Variants in DESI2 observed in about 807,000 individuals in gnomAD.
DESI2 encodes the protein desumoylating isopeptidase 2.
A neutral mutation model predicts 24.1 loss-of-function variants in DESI2; 10 were observed. That is an observed-to-expected ratio of 0.41 (90% CI 0.26 to 0.70). The LOEUF is 0.70. Among genes scored for constraint, DESI2 ranks in the 30% least tolerant of loss-of-function variants. DESI2 has a pLI of 0.29. For synonymous variants in DESI2, 71 were observed against 87.7 expected, an observed-to-expected ratio of 0.81 and a Z score of 1.06; for missense variants, 122 against 234.9, an observed-to-expected ratio of 0.52 and a Z score of 3.14.
At chr1:244,679,669 G>C (rs1442083128) in intron 1 of DESI2, among the ~76,000 whole-genome samples, 1 of 152,024 alleles carries the variant, frequency 6.6e-6, no homozygotes, top group Non-Finnish European at 1.5e-5. Flanking sequence ...CCAGGAGTTT[G>C]AGACCAATCT....
chr1:244,660,549 A>G (rs1427063479), intron 1 of DESI2, among the ~76,000 whole-genome samples: 1 of 152,238 alleles, frequency 6.6e-6, no homozygotes, highest in Non-Finnish European at 1.5e-5. Context: ...ATTCCAAAGC[A>G]ACATTATTGT....
intron 4 of DESI2, chr1:244,694,812 C>T (rs975676103): frequency 4.0e-5 from 21 of 527,712 alleles, no homozygotes; most frequent in East Asian, 9.4e-5. Context: ...GACTGCTTTC[C>T]GGCTGCAGTG....
In DESI2 at chr1:244,653,304, G is replaced by T. The variant is rs768881467; in HGVS notation, c.-10G>T. On this transcript the variant is annotated 5_prime_UTR_variant, in exon 1 of 5. Coordinates refer to ENST00000302550, the MANE Select transcript of DESI2 (RefSeq NM_016076.5). ...GGCTTGAGGACGAGGCGGCGGCCGC[G>T]GGGAGGAGGATGGGGGCTAACCAGT... 6.7e-7 allele frequency: 1 copy of T among 1,494,280 alleles called. No individual in the cohort carries two copies. The allele number at this position is 1,494,280 out of a possible 1,614,324, so 92.6% of individuals were successfully genotyped here. A position where few individuals can be genotyped will look rare whatever the true frequency, so the allele number is the denominator to read the frequency against.
chr1:244,654,163 C>T, intron 1 of DESI2: 4 of 378,676 alleles, frequency 1.1e-5, no homozygotes, highest in Non-Finnish European at 1.6e-5. Context: ...GAAATGCCCC[C>T]AGAAAAAAGC....
rs1194810701 is a variant in DESI2 at position 244,689,802 on chromosome 1, G to T, written c.209+460G>T. 1.3e-5 allele frequency among the ~76,000 whole-genome samples: 2 copies of T among 152,112 alleles called. No homozygotes were observed. The highest frequency in any genetic ancestry group is 2.9e-5 in the Non-Finnish European group (2 of 68,026). On this transcript the variant is annotated intron_variant, in intron 3 of 4. Coordinates refer to ENST00000302550, the MANE Select transcript of DESI2 (RefSeq NM_016076.5). The surrounding 1 kb of genome is among the most constrained non-coding windows in gnomAD (Gnocchi z 4.0). ...TGGGATTACAGGCGTGAGCCACCACGCCCAGCCCAGGAAACTCCTTTCTAA... is the reference window on the plus strand; with the variant it reads ...TGGGATTACAGGCGTGAGCCACCACTCCCAGCCCAGGAAACTCCTTTCTAA...
chr1:244,654,030 T>C (rs1675562475), intron 1 of DESI2: 1 of 470,942 alleles, frequency 2.1e-6, no homozygotes. Context: ...TTCCAGGTGA[T>C]GCAACAGGTG....
chr1:244,654,058 G>A (rs1173688205), intron 1 of DESI2: 1 of 469,500 alleles, frequency 2.1e-6, no homozygotes, highest in Non-Finnish European at 4.4e-6. Context: ...CACGGGAGAG[G>A]GAAGGGAAGA....
At chr1:244,666,804 G>A (rs1676062597) in intron 1 of DESI2, among the ~76,000 whole-genome samples, 1 of 152,112 alleles carries the variant, frequency 6.6e-6, no homozygotes, top group African/African-American at 2.4e-5. Context: ...GGTTTAATTG[G>A]ACTTACAGTT....
At chr1:244,664,731 T>A (rs55899555) in intron 1 of DESI2, among the ~76,000 whole-genome samples, 59,885 of 152,116 alleles carry the variant, frequency 0.39, 13,411 homozygotes, top group Middle Eastern at 0.51. Context: ...GCATATAAGT[T>A]ATGAAATGAC....
intron 1 of DESI2, among the ~76,000 whole-genome samples, chr1:244,684,918 A>T (rs1231400065): frequency 6.6e-6 from 1 of 152,196 alleles, no homozygotes; most frequent in Non-Finnish European, 1.5e-5. Context: ...TCCTTACTGT[A>T]TGTAATCTTA....
chr1:244,665,811 A>G (rs1308733891), intron 1 of DESI2, among the ~76,000 whole-genome samples: 4 of 152,190 alleles, frequency 2.6e-5, no homozygotes, highest in Admixed American at 6.5e-5. Context: ...AAGATTTCAG[A>G]TCTATCAAGC....
intron 1 of DESI2, among the ~76,000 whole-genome samples, chr1:244,659,032 CT>C (rs10553169): frequency 0.69 from 101,857 of 147,164 alleles, 35,270 homozygotes; most frequent in South Asian, 0.8. Context: ...GGTCATCCAT[CT>C]TTTTTTTTTT....
Position 244,705,684 on chromosome 1 carries a change from CCAAGAA to C in DESI2, c.482_487del (p.Gln161_Glu162del). On this transcript the variant is annotated inframe_deletion, in exon 5 of 5. Coordinates refer to ENST00000302550, the MANE Select transcript of DESI2 (RefSeq NM_016076.5). ...CCGCAGCCCTGCAGTCTAGTGTCAG[CCAAGAA>C]CTCCAGGATGAACTGGAGGAAGCAG... The C allele has an allele frequency of 6.2e-7, 1 of 1,614,134 alleles. No homozygotes were observed. The highest frequency in any genetic ancestry group is 8.5e-7 in the Non-Finnish European group (1 of 1,180,022).
At chr1:244,679,888 A>G (rs1202999643) in intron 1 of DESI2, among the ~76,000 whole-genome samples, 1 of 149,698 alleles carries the variant, frequency 6.7e-6, no homozygotes, top group Admixed American at 6.6e-5. Context: ...AAAAAAAAAA[A>G]AAAAAAGACA....
At chr1:244,665,024 G>A (rs956931570) in intron 1 of DESI2, among the ~76,000 whole-genome samples, 2 of 152,098 alleles carry the variant, frequency 1.3e-5, no homozygotes, top group African/African-American at 4.8e-5. Flanking sequence ...AATTATCATG[G>A]ATATTTAGGT....
Position 244,683,653 on chromosome 1 carries a change from C to A in DESI2, c.43-2944C>A, listed in dbSNP as rs1676711676. Among the ~76,000 whole-genome samples the A allele has an allele frequency of 1.3e-5, 2 of 152,042 alleles. 1 individual carries two copies. ...TTGCAACTTGCTTTTGTTTCCCTAA[C>A]AAATATATCCTGGAAATTACTTCCT... On this transcript the variant is annotated intron_variant, in intron 1 of 4. Coordinates refer to ENST00000302550, the MANE Select transcript of DESI2 (RefSeq NM_016076.5).
chr1:244,653,870 A>G (rs1675553178), intron 1 of DESI2: 1 of 465,838 alleles, frequency 2.1e-6, no homozygotes. Flanking sequence ...AATCTCTTCA[A>G]AGGTGAACAG....
chr1:244,705,030 A>T (rs1034054696), intron 4 of DESI2, among the ~76,000 whole-genome samples: 2 of 152,172 alleles, frequency 1.3e-5, no homozygotes, highest in African/African-American at 4.8e-5. Flanking sequence ...CCCTTGAAAC[A>T]AGTGGGTCAG....
intron 4 of DESI2, among the ~76,000 whole-genome samples, chr1:244,693,861 T>C (rs187449012): frequency 8.3e-4 from 127 of 152,380 alleles, no homozygotes; most frequent in Non-Finnish European, 9.1e-4. Context: ...TAATAAAATA[T>C]GGTATATATT....
Sources: allele counts gnomAD v4.1 joint callset (sites outside exome capture counted in the v4.1 genomes callset), GRCh38; gene constraint gnomAD v4.1.1; non-coding constraint Gnocchi (gnomAD v3.1); transcripts MANE v1.5; gene names NCBI Gene and HGNC (gene_info 2026-07-23, HGNC 2026-07-21).